Variants in TXNRD3 observed in about 807,000 individuals in gnomAD.
TXNRD3 encodes thioredoxin reductase 3.
A neutral mutation model predicts 78.2 loss-of-function variants in TXNRD3; 68 were observed. That is an observed-to-expected ratio of 0.87 (90% CI 0.72 to 1.06). TXNRD3 has a LOEUF of 1.06. Ranked by LOEUF, TXNRD3 falls within the 50% of genes least tolerant of loss-of-function variation. The pLI, the probability that TXNRD3 is intolerant of heterozygous loss-of-function variation, is 0.00. For missense variants in TXNRD3, 751 were observed against 809.5 expected (o/e 0.93, Z 0.88); for synonymous variants, 296 against 300.1 (o/e 0.99, Z 0.14).
At chr3:126,629,342 T>C (rs1225449418) in intron 10 of TXNRD3, 37 bp downstream of exon 10, 1 of 1,324,594 alleles carries the variant, frequency 7.5e-7, no homozygotes, top group Admixed American at 2.3e-5. Context: ...TTTAGGAGTG[T>C]GTTCAATAAC....
At chr3:126,640,834 A>C (rs1420910296) in intron 6 of TXNRD3, among the ~76,000 whole-genome samples, 1 of 152,006 alleles carries the variant, frequency 6.6e-6, no homozygotes, top group African/African-American at 2.4e-5. Context: ...AAAGGTGTGA[A>C]AGTTGTCAGA....
chr3:126,610,147 A>C (rs1041829016), intron 14 of TXNRD3, among the ~76,000 whole-genome samples: 2 of 152,228 alleles, frequency 1.3e-5, no homozygotes, highest in Non-Finnish European at 2.9e-5. Context: ...GCAAAAGAGC[A>C]CATGCTAATG....
At chr3:126,618,863 C>CAAAAAAAAA (rs36021189) in intron 12 of TXNRD3, among the ~76,000 whole-genome samples, 4 of 73,086 alleles carry the variant, frequency 5.5e-5, no homozygotes, top group South Asian at 5.3e-4. Flanking sequence ...AACTCAGAGC[C>CAAAAAAAAA]AAAAAAAAAA....
chr3:126,633,276 A>G (rs938331214), intron 7 of TXNRD3, among the ~76,000 whole-genome samples: 7 of 152,352 alleles, frequency 4.6e-5, no homozygotes, highest in African/African-American at 1.4e-4. Context: ...TAAATGGACC[A>G]TACCTCACAC....
At chr3:126,630,958 A>G in intron 8 of TXNRD3, 21 bp from the exon 9 acceptor site, 1 of 1,528,150 alleles carries the variant, frequency 6.5e-7, no homozygotes, top group Non-Finnish European at 8.8e-7. Context: ...AAAATTAAAA[A>G]AAGAATACCT....
chr3:126,627,808 T>G (rs901825452), intron 10 of TXNRD3, among the ~76,000 whole-genome samples: 1 of 152,194 alleles, frequency 6.6e-6, no homozygotes, highest in Non-Finnish European at 1.5e-5. Flanking sequence ...CCAATTCTAA[T>G]GTTACATGAA....
intron 6 of TXNRD3, among the ~76,000 whole-genome samples, chr3:126,634,831 A>T (rs1417311661): frequency 6.6e-6 from 1 of 152,162 alleles, no homozygotes; most frequent in Non-Finnish European, 1.5e-5. Context: ...TAACATCTGG[A>T]AAATTACCCC....
chr3:126,641,679 T>C (rs1298681558), intron 6 of TXNRD3, among the ~76,000 whole-genome samples: 1 of 152,232 alleles, frequency 6.6e-6, no homozygotes, highest in African/African-American at 2.4e-5. Context: ...CAAAGATATA[T>C]ATAACCACTG....
chr3:126,645,978 A>G, intron 3 of TXNRD3, 133 bp downstream of exon 3: 1 of 664,214 alleles, frequency 1.5e-6, no homozygotes, highest in Non-Finnish European at 2.4e-6. Flanking sequence ...GTATTATCTG[A>G]TAATTATCCT....
At chr3:126,652,597 T>A (rs1316272832) in intron 1 of TXNRD3, among the ~76,000 whole-genome samples, 1 of 152,248 alleles carries the variant, frequency 6.6e-6, no homozygotes, top group African/African-American at 2.4e-5. Flanking sequence ...TTTCTCCAGG[T>A]ACTCCGGTTT....
chr3:126,615,366 CT>C lies in TXNRD3; in HGVS notation c.1620del (p.Glu541ArgfsTer3). ...AAACACAATCTTACTTCTAGATTCT[CT>C]TTTTTATATACTTCAATAGCTTTCT... On this transcript the variant is annotated frameshift_variant, in exon 13 of 16. Coordinates refer to ENST00000524230, the MANE Select transcript of TXNRD3 (RefSeq NM_052883.3). LOFTEE classifies it high-confidence loss of function. 1 of 1,462,332 alleles carries C rather than the reference CT, an allele frequency of 6.8e-7. No homozygotes were observed. Among genetic ancestry groups the C allele is most frequent in the Non-Finnish European group, 9.0e-7 (1 of 1,106,906 alleles). The allele number at this position is 1,462,332 out of a possible 1,614,324, so 90.6% of individuals were successfully genotyped here.
At chr3:126,625,846 A>C (rs1328675659) in intron 10 of TXNRD3, 1 of 152,252 alleles carries the variant, frequency 6.6e-6, no homozygotes, top group African/African-American at 2.4e-5. Flanking sequence ...CGCCATTCTA[A>C]CTGGTGTGAG....
At chr3:126,641,639 A>G (rs1342545319) in intron 6 of TXNRD3, among the ~76,000 whole-genome samples, 1 of 152,250 alleles carries the variant, frequency 6.6e-6, no homozygotes, top group Non-Finnish European at 1.5e-5. Flanking sequence ...CATGTTTACT[A>G]GATGAATTTC....
At chr3:126,652,064 G>C (rs1050438794) in intron 1 of TXNRD3, among the ~76,000 whole-genome samples, 3 of 152,148 alleles carry the variant, frequency 2.0e-5, no homozygotes, top group Non-Finnish European at 4.4e-5. Flanking sequence ...TATGAGACTG[G>C]GTAATATATA....
intron 15 of TXNRD3, 36 bp from the exon 16 acceptor site, chr3:126,608,009 T>C (rs1466917427): frequency 5.8e-6 from 8 of 1,383,430 alleles, no homozygotes; most frequent in South Asian, 1.4e-5. Flanking sequence ...CATATTTAGA[T>C]GTTAGTATTG....
intron 6 of TXNRD3, 93 bp downstream of exon 6, chr3:126,641,939 G>C: frequency 7.4e-7 from 1 of 1,357,734 alleles, no homozygotes; most frequent in Non-Finnish European, 9.7e-7. Flanking sequence ...AATGAATTAC[G>C]AACTCAACTA....
intron 12 of TXNRD3, among the ~76,000 whole-genome samples, chr3:126,620,444 A>G (rs146368714): frequency 8.1e-4 from 123 of 152,302 alleles, no homozygotes; most frequent in African/African-American, 2.9e-3. Flanking sequence ...GGAGATATAT[A>G]CTGAAGTAGT....
At chr3:126,647,356 G>T in intron 1 of TXNRD3, 60 bp from the exon 2 acceptor site, 2 of 1,188,032 alleles carry the variant, frequency 1.7e-6, no homozygotes, top group South Asian at 2.7e-5. Context: ...TATGAAATAT[G>T]AACATAGTAA....
At chr3:126,630,999 T>C in intron 8 of TXNRD3, 62 bp from the exon 9 acceptor site, 7 of 1,446,950 alleles carry the variant, frequency 4.8e-6, no homozygotes, top group East Asian at 2.5e-5. Flanking sequence ...GTTATTCATG[T>C]TTCAGTGTAT....
Sources: gnomAD v4.1 joint callset for allele counts (sites outside exome capture counted in the v4.1 genomes callset) on GRCh38, gnomAD v4.1.1 for gene constraint, MANE v1.5 for transcripts, NCBI Gene and HGNC (gene_info 2026-07-23, HGNC 2026-07-21) for gene names.